Variants in ANO6 observed in about 807,000 individuals in gnomAD.
ANO6 encodes anoctamin-6.
Under a neutral mutation model 117.5 loss-of-function variants are expected in ANO6, and 106 were observed. The observed-to-expected ratio is 0.90, with a 90% CI of 0.77 to 1.06. The LOEUF is 1.06. ANO6 is among the 50% of genes least tolerant of loss of function. The pLI is 0.00. For synonymous variants in ANO6, 367 were observed against 385.1 expected (o/e 0.95, Z 0.55); for missense variants, 955 against 1,121.1 (o/e 0.85, Z 2.12).
chr12:45,224,145 G>A (rs1246637759), intron 1 of ANO6, among the ~76,000 whole-genome samples: 2 of 152,130 alleles, frequency 1.3e-5, no homozygotes, highest in Non-Finnish European at 2.9e-5. Context: ...ATCTGTACCA[G>A]GTTCAGTGGT....
At chr12:45,382,502 T>G (rs1942193101) in intron 10 of ANO6, among the ~76,000 whole-genome samples, 1 of 152,164 alleles carries the variant, frequency 6.6e-6, no homozygotes, top group African/African-American at 2.4e-5. Context: ...GACCCTGGAC[T>G]CCTCCCCACA....
chr12:45,284,301 T>C (rs1938837472), intron 1 of ANO6, among the ~76,000 whole-genome samples: 1 of 152,160 alleles, frequency 6.6e-6, no homozygotes, highest in South Asian at 2.1e-4. Flanking sequence ...TCAAACAGTG[T>C]AGATCAGATA....
chr12:45,279,624 G>GC (rs1938659833), intron 1 of ANO6, among the ~76,000 whole-genome samples: 1 of 152,222 alleles, frequency 6.6e-6, no homozygotes, highest in Admixed American at 6.5e-5. Context: ...TACGTGGAAA[G>GC]CCCCTGGGTC....
At chr12:45,375,917 C>T (rs1419968905) in intron 9 of ANO6, among the ~76,000 whole-genome samples, 1 of 148,504 alleles carries the variant, frequency 6.7e-6, no homozygotes, top group Non-Finnish European at 1.5e-5. Flanking sequence ...AGTGAACAGG[C>T]AACCTACAGA....
chr12:45,369,535 C>G (rs138765879), intron 9 of ANO6, among the ~76,000 whole-genome samples: 20 of 151,220 alleles, frequency 1.3e-4, no homozygotes, highest in African/African-American at 4.9e-4. Context: ...TAATTCTATT[C>G]TAGTTTCCTG....
intron 1 of ANO6, among the ~76,000 whole-genome samples, chr12:45,279,744 A>AT (rs1467432775): frequency 6.6e-6 from 1 of 152,232 alleles, no homozygotes; most frequent in Non-Finnish European, 1.5e-5. Context: ...ATTAAAAATG[A>AT]TTTTAAGATC....
chr12:45,382,680 C>T (rs1942198079), intron 10 of ANO6, among the ~76,000 whole-genome samples: 1 of 152,122 alleles, frequency 6.6e-6, no homozygotes, highest in African/African-American at 2.4e-5. Flanking sequence ...AAGGGAGCCA[C>T]ACAAATTTTT....
chr12:45,323,223 A>C (rs932492310), intron 2 of ANO6, among the ~76,000 whole-genome samples: 2 of 152,230 alleles, frequency 1.3e-5, no homozygotes, highest in Non-Finnish European at 2.9e-5. Flanking sequence ...CACTTTACTC[A>C]GAATCTGAAG....
chr12:45,313,775 C>T (rs1207674048), intron 2 of ANO6, among the ~76,000 whole-genome samples: 2 of 152,014 alleles, frequency 1.3e-5, no homozygotes, highest in East Asian at 1.9e-4. Flanking sequence ...CACAACCTAT[C>T]AATAAATAAA....
rs1033655409 is a variant in ANO6 at position 45,348,071 on chromosome 12, G to C, written c.389G>C (p.Trp130Ser). Reference sequence around the variant, plus strand: ...GTATTTGTAAAAGTACACGCACCATGGGAGGTGTTATGTACGTATGCTGAG... The same window carrying C: ...GTATTTGTAAAAGTACACGCACCATCGGAGGTGTTATGTACGTATGCTGAG... ...KLVFVKVHAPWEVLCTYAEIM... is the reference protein window; with the variant it reads ...KLVFVKVHAPSEVLCTYAEIM... The change falls in exon 5 of 20, where the codon TGG (tryptophan) becomes TCG (serine). Residue 130 changes from tryptophan (W) to serine (S), a missense_variant. By Grantham distance (177) the Trp-to-Ser change is radical. Coordinates refer to ENST00000320560, the MANE Select transcript of ANO6 (RefSeq NM_001025356.3). The C allele has an allele frequency of 6.2e-7, 1 of 1,613,996 alleles. No individual in the cohort carries two copies. Among genetic ancestry groups the C allele is most frequent in the Non-Finnish European group, 8.5e-7 (1 of 1,179,936 alleles).
At position 45,216,132 on chromosome 12, in the gene ANO6, C is replaced by G. The variant is rs756162893; in HGVS notation, c.-190C>G. 1 of 621,898 alleles carries G rather than the reference C, an allele frequency of 1.6e-6. No homozygotes were observed. Among genetic ancestry groups the G allele is most frequent in the Non-Finnish European group, 2.8e-6 (1 of 360,400 alleles). The allele number at this position is 621,898 out of a possible 1,614,324, so 38.5% of individuals were successfully genotyped here. On this transcript the variant is annotated 5_prime_UTR_variant, in exon 1 of 20. Transcript: ENST00000320560. The stretch of plus-strand genomic sequence containing the variant: ...CCGCTCGGCAGGCGAGAGGCGTCCT[C>G]CGGCTCTGGGCTCCGGTCGGTGGGT...
chr12:45,291,431 C>T (rs1592924062), intron 1 of ANO6, among the ~76,000 whole-genome samples: 1 of 133,516 alleles, frequency 7.5e-6, no homozygotes, highest in Non-Finnish European at 1.6e-5. Context: ...ACATCAAAAA[C>T]ATGAACAAAA....
At chr12:45,359,721 G>A (rs1322975780) in intron 8 of ANO6, among the ~76,000 whole-genome samples, 1 of 152,078 alleles carries the variant, frequency 6.6e-6, no homozygotes, top group African/African-American at 2.4e-5. Context: ...CTACTCTTTG[G>A]TTATTATGAA....
intron 8 of ANO6, among the ~76,000 whole-genome samples, chr12:45,360,747 A>G (rs1484869163): frequency 6.6e-6 from 1 of 152,022 alleles, no homozygotes; most frequent in Non-Finnish European, 1.5e-5. Context: ...TAGGTTTATG[A>G]TTTATTTTGA....
intron 19 of ANO6, among the ~76,000 whole-genome samples, chr12:45,426,935 C>G (rs1030381060): frequency 1.3e-5 from 2 of 151,644 alleles, no homozygotes; most frequent in African/African-American, 2.4e-5. Flanking sequence ...CCTACCTGAC[C>G]TTTCTGCTTG....
At chr12:45,360,660 T>C (rs1941531730) in intron 8 of ANO6, among the ~76,000 whole-genome samples, 1 of 152,264 alleles carries the variant, frequency 6.6e-6, no homozygotes, top group Non-Finnish European at 1.5e-5. Context: ...GCTTTTGGTG[T>C]CATGTCTTAG....
chr12:45,372,055 G>A (rs550686056), intron 9 of ANO6, among the ~76,000 whole-genome samples: 91 of 152,094 alleles, frequency 6.0e-4, no homozygotes, highest in African/African-American at 2.0e-3. Context: ...CGAGAACTAC[G>A]TGAAGAATGC....
intron 3 of ANO6, among the ~76,000 whole-genome samples, chr12:45,340,535 G>A (rs750188574): frequency 1.4e-4 from 22 of 151,986 alleles, no homozygotes; most frequent in African/African-American, 3.6e-4. Flanking sequence ...AGTGAGCCTC[G>A]TTTAAACATT....
At chr12:45,312,354 T>G (rs1160486007) in intron 2 of ANO6, among the ~76,000 whole-genome samples, 2 of 152,054 alleles carry the variant, frequency 1.3e-5, no homozygotes, top group African/African-American at 4.8e-5. Context: ...AGCATGGATG[T>G]AAAATGTTGT....
Sources: allele counts gnomAD v4.1 joint callset (sites outside exome capture counted in the v4.1 genomes callset), GRCh38; gene constraint gnomAD v4.1.1; transcripts MANE v1.5; gene names NCBI Gene and HGNC (gene_info 2026-07-23, HGNC 2026-07-21).